Variants in DOK5 observed in about 807,000 individuals in gnomAD.
DOK5 encodes downstream of tyrosine kinase 5.
In DOK5, 27 loss-of-function variants were observed where a neutral mutation model predicts 43.3. The observed-to-expected ratio is 0.62, with a 90% confidence interval of 0.46 to 0.86. The LOEUF (loss-of-function observed/expected upper bound fraction) is 0.86. Among genes scored for constraint, DOK5 ranks in the 40% least tolerant of loss-of-function variants. The pLI is 0.00. For missense variants in DOK5, 373 were observed against 392.9 expected (o/e 0.95, Z 0.43); for synonymous variants, 146 against 140.1 (o/e 1.04, Z -0.30).
intron 6 of DOK5, among the ~76,000 whole-genome samples, chr20:54,631,433 G>GAAAGGAAAA (rs1345414426): frequency 1.7e-4 from 26 of 150,936 alleles, no homozygotes; most frequent in African/African-American, 6.3e-4. Flanking sequence ...AGAAAGAGAA[G>GAAAGGAAAA]AAAGGAAAGA....
chr20:54,584,714 CGT>C (rs967507215), intron 2 of DOK5, among the ~76,000 whole-genome samples: 7 of 145,944 alleles, frequency 4.8e-5, no homozygotes, highest in East Asian at 2.0e-4. Flanking sequence ...AATATGTACT[CGT>C]GTGTGTGTGT....
At chr20:54,549,768 A>G (rs977042928) in intron 1 of DOK5, among the ~76,000 whole-genome samples, 5 of 152,148 alleles carry the variant, frequency 3.3e-5, no homozygotes, top group African/African-American at 1.2e-4. Context: ...CTTGGTGAAG[A>G]TATTTTTTCT....
intron 5 of DOK5, among the ~76,000 whole-genome samples, chr20:54,607,599 A>G (rs1201956844): frequency 6.6e-6 from 1 of 152,112 alleles, no homozygotes; most frequent in African/African-American, 2.4e-5. Context: ...AAAAGTGGGC[A>G]TTGGGGGCCG....
intron 1 of DOK5, among the ~76,000 whole-genome samples, chr20:54,499,950 A>G (rs1016964155): frequency 2.0e-5 from 3 of 152,216 alleles, no homozygotes; most frequent in African/African-American, 4.8e-5. Flanking sequence ...ATATTGATGC[A>G]TAGTCCTGTA....
In DOK5 at chr20:54,573,218, A is replaced by G. The variant is rs572865045; in HGVS notation, c.175-15265A>G. Among the ~76,000 whole-genome samples, 269 of 152,290 alleles carry G rather than the reference A, an allele frequency of 1.8e-3. 4 individuals carry two copies. The highest frequency in any genetic ancestry group is 1.0e-3 in the Non-Finnish European group (68 of 68,030). On this transcript the variant is annotated intron_variant, in intron 2 of 7. Transcript: ENST00000262593. ...TGAGAGGGTAATATGCAAGTCACTG[A>G]TGGTAGGGTGAGAGTGAGCCAATGG...
chr20:54,546,488 T>G lies in DOK5; in HGVS notation c.67-8445T>G, dbSNP rs143587112. ...TATGTATACATGTGCCATGTTGGTG[T>G]GCTGCACCCATTAACTCGTCATTTA... is the stretch of plus-strand genomic sequence containing the variant. On this transcript the variant is annotated intron_variant, in intron 1 of 7. Coordinates refer to ENST00000262593, the MANE Select transcript of DOK5 (RefSeq NM_018431.5). Among the ~76,000 whole-genome samples the G allele has an allele frequency of 7.4e-3, 1,119 of 152,162 alleles. 12 individuals are homozygous for G. The highest frequency in any genetic ancestry group is 0.025 in the African/African-American group (1,035 of 41,518).
chr20:54,507,129 G>A (rs1195684866), intron 1 of DOK5, among the ~76,000 whole-genome samples: 9 of 152,096 alleles, frequency 5.9e-5, no homozygotes, highest in South Asian at 2.1e-4. Context: ...TTATTACCAC[G>A]TTACAGGAGT....
chr20:54,538,211 T>C (rs1384752289), intron 1 of DOK5, among the ~76,000 whole-genome samples: 1 of 152,008 alleles, frequency 6.6e-6, no homozygotes, highest in Non-Finnish European at 1.5e-5. Flanking sequence ...TGCACTTTTT[T>C]TTTTTTTGCT....
chr20:54,595,173 C>T (rs1260664518), intron 5 of DOK5, among the ~76,000 whole-genome samples: 2 of 152,108 alleles, frequency 1.3e-5, no homozygotes, highest in Admixed American at 6.5e-5. Flanking sequence ...AACCCCATCT[C>T]TACTAAAAAT....
At chr20:54,574,679 A>G (rs1985398668) in intron 2 of DOK5, among the ~76,000 whole-genome samples, 1 of 152,192 alleles carries the variant, frequency 6.6e-6, no homozygotes, top group Non-Finnish European at 1.5e-5. Context: ...GTGGAGTAGA[A>G]ACAGGAAAAA....
Position 54,502,668 on chromosome 20 carries a change from CAA to C in DOK5, c.66+26660_66+26661del, listed in dbSNP as rs961684547. 2.0e-5 allele frequency among the ~76,000 whole-genome samples: 3 copies of C among 152,196 alleles called. No homozygotes were observed. In the South Asian group the frequency reaches 6.2e-4, roughly 32 times the overall value. ...GTGTGTACACCGCATTTTTTCCCCACAAAAATAGTATATATGCGCTATCCATT... is the reference window on the plus strand; with the variant it reads ...GTGTGTACACCGCATTTTTTCCCCACAAATAGTATATATGCGCTATCCATT... On this transcript the variant is annotated intron_variant, in intron 1 of 7. Coordinates refer to ENST00000262593, the MANE Select transcript of DOK5 (RefSeq NM_018431.5).
intron 7 of DOK5, among the ~76,000 whole-genome samples, chr20:54,645,435 T>C (rs989561281): frequency 1.3e-5 from 2 of 151,108 alleles, no homozygotes; most frequent in Non-Finnish European, 2.9e-5. Flanking sequence ...CAGTCCTCCA[T>C]GCCCGCTCTG....
intron 6 of DOK5, among the ~76,000 whole-genome samples, chr20:54,611,573 A>T (rs916638439): frequency 4.0e-4 from 61 of 151,380 alleles, no homozygotes; most frequent in African/African-American, 1.4e-3. Context: ...AATTTAAAAA[A>T]AATAATAATA....
At chr20:54,640,288 G>A (rs1397189188) in intron 6 of DOK5, among the ~76,000 whole-genome samples, 1 of 152,208 alleles carries the variant, frequency 6.6e-6, no homozygotes, top group Non-Finnish European at 1.5e-5. Flanking sequence ...GGCGCTCCAG[G>A]TAACCCAATT....
intron 7 of DOK5, among the ~76,000 whole-genome samples, chr20:54,646,046 A>G (rs759245147): frequency 1.1e-4 from 16 of 151,376 alleles, no homozygotes; most frequent in Non-Finnish European, 1.6e-4. Flanking sequence ...CTGCAGAGAG[A>G]GTGAGTTAGA....
rs571388885 is a variant in DOK5 at position 54,509,838 on chromosome 20, G to A, written c.66+33826G>A. 5.3e-5 allele frequency among the ~76,000 whole-genome samples: 8 copies of A among 151,332 alleles called. No individual in the cohort carries two copies. In the South Asian group the frequency reaches 1.0e-3, roughly 20 times the overall value. On this transcript the variant is annotated intron_variant, in intron 1 of 7. Coordinates refer to ENST00000262593, the MANE Select transcript of DOK5 (RefSeq NM_018431.5). ...ACTGACCCCTGCCTCCACCTGTCCCGAAAACTAATGCTGCCTGGGAGCTAG... is the reference window on the plus strand; with the variant it reads ...ACTGACCCCTGCCTCCACCTGTCCCAAAAACTAATGCTGCCTGGGAGCTAG...
intron 1 of DOK5, among the ~76,000 whole-genome samples, chr20:54,498,581 A>C (rs1040721285): frequency 6.6e-6 from 1 of 152,200 alleles, no homozygotes; most frequent in African/African-American, 2.4e-5. Flanking sequence ...TGGAAATAAA[A>C]TGTACCTTGA....
intron 1 of DOK5, among the ~76,000 whole-genome samples, chr20:54,477,874 T>C (rs1455545087): frequency 1.3e-5 from 2 of 152,264 alleles, no homozygotes; most frequent in Non-Finnish European, 2.9e-5. Flanking sequence ...TTGTTTGTGG[T>C]AACTGAGATT....
intron 7 of DOK5, among the ~76,000 whole-genome samples, chr20:54,645,844 G>C (rs79241000): frequency 0.021 from 3,063 of 148,162 alleles, 52 homozygotes; most frequent in Middle Eastern, 0.052. Context: ...TGTTAAGAAA[G>C]CACTGGGGGT....
Sources: allele counts gnomAD v4.1 joint callset (sites outside exome capture counted in the v4.1 genomes callset), GRCh38; gene constraint gnomAD v4.1.1; transcripts MANE v1.5; gene names NCBI Gene and HGNC (gene_info 2026-07-23, HGNC 2026-07-21).